Variants in PAK4 observed in about 807,000 individuals in gnomAD.
PAK4 encodes the protein p21 (RAC1) activated kinase 4.
Under a neutral mutation model 53.5 loss-of-function variants are expected in PAK4, and 49 were observed. The ratio of observed to expected loss-of-function variants is 0.92; its 90% CI spans 0.73 to 1.16. The LOEUF (loss-of-function observed/expected upper bound fraction) is 1.16, where lower values mean the gene tolerates loss of function less well. Among genes scored for constraint, PAK4 ranks in the 50% most tolerant of loss-of-function variants. The pLI, the probability that PAK4 is intolerant of heterozygous loss-of-function variation, is 0.00. For missense variants in PAK4, 824 were observed against 850.7 expected (o/e 0.97, Z 0.39); for synonymous variants, 376 against 375.6 (o/e 1.00, Z -0.01).
chr19:39,145,109 C>T (rs1487600282), intron 1 of PAK4, among the ~76,000 whole-genome samples: 2 of 152,154 alleles, frequency 1.3e-5, no homozygotes, highest in African/African-American at 4.8e-5. Flanking sequence ...TTTCATTGTT[C>T]CTCTTTTTTG....
rs57100878 is a variant in PAK4 at position 39,165,515 on chromosome 19, AAAATAAAT to A, written c.-22-3985_-22-3978del. Reference sequence around the variant, plus strand: ...GGGCGACAGAGCAAGACTCCCTCTCAAAATAAATAAATAAATAAATAAATAAATAAATA... The same window carrying A: ...GGGCGACAGAGCAAGACTCCCTCTCAAAATAAATAAATAAATAAATAAATA... On this transcript the variant is annotated intron_variant, in intron 1 of 8. Coordinates refer to ENST00000358301, the Ensembl canonical transcript of PAK4. Among the ~76,000 whole-genome samples, 134 of 135,072 alleles carry A rather than the reference AAAATAAAT, an allele frequency of 9.9e-4. 1 individual carries two copies. The highest frequency in any genetic ancestry group is 2.9e-3 in the African/African-American group (108 of 37,198). 88.6% of individuals were successfully genotyped at this position (135,072 alleles called of 152,430 possible). A position where few individuals can be genotyped will look rare whatever the true frequency, so the allele number is the denominator to read the frequency against.
Position 39,173,262 on chromosome 19 carries a change from T to C in PAK4, c.549T>C (p.Pro183=). ...GGGACAAACGCCCCCTCTCCGGGCC[T>C]GATGTCGGCACCCCCCAGCCTGCTG... The change falls in exon 3 of 9, where the codon CCT becomes CCC. Residue 183 remains proline, a synonymous_variant. Coordinates refer to ENST00000358301, the Ensembl canonical transcript of PAK4. This position sits in a 1 kb window ranked among gnomAD's most constrained non-coding sequence, Gnocchi z 6.9. 6 of 1,597,516 alleles carry C rather than the reference T, an allele frequency of 3.8e-6. No homozygotes were observed. Among genetic ancestry groups the C allele is most frequent in the Non-Finnish European group, 5.1e-6 (6 of 1,173,102 alleles).
exon 8 of PAK4, chr19:39,177,754 A>C: frequency 1.2e-6 from 2 of 1,613,668 alleles, no homozygotes; most frequent in Non-Finnish European, 1.7e-6. Context: ...CCACCCCTCA[A>C]AGCCATGAAG....
chr19:39,145,634 T>G (rs2073986707), intron 1 of PAK4, among the ~76,000 whole-genome samples: 1 of 152,212 alleles, frequency 6.6e-6, no homozygotes, highest in Non-Finnish European at 1.5e-5. Context: ...ACAGCCGTGA[T>G]GTGAAGGGGC....
intron 1 of PAK4, chr19:39,135,316 T>C (rs12978321): frequency 0.22 from 31,503 of 144,028 alleles, 4,407 homozygotes; most frequent in East Asian, 0.34. Flanking sequence ...AGGAGTCAAG[T>C]GCTTATTCTT....
intron 1 of PAK4, among the ~76,000 whole-genome samples, chr19:39,133,566 G>C (rs73549583): frequency 6.6e-6 from 1 of 152,072 alleles, no homozygotes; most frequent in Non-Finnish European, 1.5e-5. Flanking sequence ...CCTGCTACCC[G>C]GGGCTAAGCC....
intron 1 of PAK4, among the ~76,000 whole-genome samples, chr19:39,137,782 T>G (rs550284274): frequency 9.2e-5 from 14 of 151,734 alleles, no homozygotes; most frequent in African/African-American, 3.1e-4. Flanking sequence ...TTCTCCTGCC[T>G]CAGCCTCCGG....
chr19:39,172,882 TGCTGG>T, intron 2 of PAK4, 31 bp from the exon 4 acceptor site: 1 of 1,491,588 alleles, frequency 6.7e-7, no homozygotes, highest in Non-Finnish European at 9.0e-7. Flanking sequence ...CCCCACTCCT[TGCTGG>T]GCCCCCACCC....
intron 1 of PAK4, among the ~76,000 whole-genome samples, chr19:39,133,713 A>T (rs1398607654): frequency 6.6e-6 from 1 of 152,022 alleles, no homozygotes; most frequent in Non-Finnish European, 1.5e-5. Flanking sequence ...TCACCTAGAG[A>T]GCTCCCCGTC....
Position 39,175,285 on chromosome 19 carries a change from C to A in PAK4, c.1233-27C>A. On this transcript the variant is annotated intron_variant, in intron 5 of 8. Transcript: ENST00000358301. The surrounding 1 kb of genome is among the most constrained non-coding windows in gnomAD (Gnocchi z 4.7). Reference sequence around the variant, plus strand: ...GCACCCCGGGGTGCTGTCCAGCTGGCTGCTCACCCCCCACCCCACCCCGCA... The same window carrying A: ...GCACCCCGGGGTGCTGTCCAGCTGGATGCTCACCCCCCACCCCACCCCGCA... 1 of 1,556,680 alleles carries A rather than the reference C, an allele frequency of 6.4e-7. No homozygotes were observed. Among genetic ancestry groups the A allele is most frequent in the Non-Finnish European group, 8.7e-7 (1 of 1,147,972 alleles).
At chr19:39,165,192 G>GATA (rs74176492) in intron 1 of PAK4, among the ~76,000 whole-genome samples, 6,864 of 130,286 alleles carry the variant, frequency 0.053, 633 homozygotes, top group African/African-American at 0.18. Context: ...TGATGATGAT[G>GATA]ATGATAATAA....
At chr19:39,136,448 CT>C (rs1425492306) in intron 1 of PAK4, 1 of 152,202 alleles carries the variant, frequency 6.6e-6, no homozygotes, top group Admixed American at 6.5e-5. Context: ...TTGCTGCCCC[CT>C]GGGCAGGCAG....
chr19:39,158,729 C>T lies in PAK4; in HGVS notation c.-22-10803C>T, dbSNP rs550998894. Among the ~76,000 whole-genome samples, 25 of 152,274 alleles carry T rather than the reference C, an allele frequency of 1.6e-4. No individual in the cohort carries two copies. In the East Asian group the frequency reaches 4.7e-3, roughly 28 times the overall value. On this transcript the variant is annotated intron_variant, in intron 1 of 8. Transcript: ENST00000358301. ...TCTCTTCGTTGAGCCACACTCTCTG[C>T]GCTGGGCAAGCCTGGGGACACAGAG...
chr19:39,159,090 A>G (rs954206568), intron 1 of PAK4, among the ~76,000 whole-genome samples: 2 of 152,120 alleles, frequency 1.3e-5, no homozygotes, highest in African/African-American at 4.8e-5. Flanking sequence ...CACTACCCCC[A>G]GTTTGCAGAT....
chr19:39,173,947 G>A lies in PAK4; in HGVS notation c.1035G>A (p.Lys345=), dbSNP rs1225010846. Residue 345 remains lysine, a synonymous_variant, in exon 4 of 9, where the codon AAG becomes AAA. Coordinates refer to ENST00000358301, the Ensembl canonical transcript of PAK4. This position sits in a 1 kb window ranked among gnomAD's most constrained non-coding sequence, Gnocchi z 6.9. ...TCGCCACCGTGCGCAGCTCGGGCAA[G>A]CTGGTGGCCGTCAAGAAGATGGACC... The A allele has an allele frequency of 6.2e-7, 1 of 1,610,854 alleles. No individual in the cohort carries two copies. Among genetic ancestry groups the A allele is most frequent in the Admixed American group, 1.7e-5 (1 of 59,838 alleles).
Position 39,178,162 on chromosome 19 carries a change from C to G in PAK4, c.1621-262C>G, listed in dbSNP as rs1018503426. Among the ~76,000 whole-genome samples the G allele has an allele frequency of 2.0e-5, 3 of 152,130 alleles. No homozygotes were observed. Among genetic ancestry groups the G allele is most frequent in the Non-Finnish European group, 4.4e-5 (3 of 68,000 alleles). The stretch of plus-strand genomic sequence containing the variant: ...TCTGGGCCCCAGTTGCTTTCAGCTT[C>G]TTGCTAAACCATGGAAATAGGGAGT... On this transcript the variant is annotated intron_variant, in intron 8 of 8. Transcript: ENST00000358301. This position sits in a 1 kb window ranked among gnomAD's most constrained non-coding sequence, Gnocchi z 4.4.
At chr19:39,145,776 C>A (rs1356668807) in intron 1 of PAK4, among the ~76,000 whole-genome samples, 1 of 152,210 alleles carries the variant, frequency 6.6e-6, no homozygotes, top group Non-Finnish European at 1.5e-5. Context: ...TCTTCCCATA[C>A]TGCCCTCCCC....
chr19:39,129,821 G>C (rs1357584595), intron 1 of PAK4, among the ~76,000 whole-genome samples: 1 of 152,182 alleles, frequency 6.6e-6, no homozygotes, highest in Non-Finnish European at 1.5e-5. Flanking sequence ...CAGGTGCCAG[G>C]GGTGACAGCT....
intron 1 of PAK4, among the ~76,000 whole-genome samples, chr19:39,140,969 T>C (rs1434704031): frequency 2.0e-5 from 3 of 152,186 alleles, no homozygotes; most frequent in Admixed American, 1.3e-4. Flanking sequence ...ATTACACTTA[T>C]TAGAGAGGCA....
Sources: gnomAD v4.1 joint callset for allele counts (sites outside exome capture counted in the v4.1 genomes callset) on GRCh38, gnomAD v4.1.1 for gene constraint, Gnocchi (gnomAD v3.1) non-coding constraint, MANE v1.5 for transcripts, NCBI Gene and HGNC (gene_info 2026-07-23, HGNC 2026-07-21) for gene names.